Variants in IQCM observed in about 807,000 individuals in gnomAD.
The protein encoded by IQCM is IQ motif containing M, also known as IQ domain-containing protein M.
IQCM carries 45 observed loss-of-function variants against 57.6 expected under a neutral mutation model. That is an observed-to-expected ratio of 0.78 (90% CI 0.62 to 1.00). The LOEUF is 1.00. IQCM is among the 50% of genes least tolerant of loss of function. The pLI is 0.00. For missense variants in IQCM, 468 were observed against 511.6 expected, an observed-to-expected ratio of 0.91 and a Z score of 0.82; for synonymous variants, 148 against 158.9, an observed-to-expected ratio of 0.93 and a Z score of 0.51.
chr4:149,518,960 C>A (rs1229206248), intron 12 of IQCM, among the ~76,000 whole-genome samples: 1 of 152,126 alleles, frequency 6.6e-6, no homozygotes, highest in African/African-American at 2.4e-5. Flanking sequence ...TCCTTGCCCA[C>A]CAAATCAATC....
rs544928636 is a variant in IQCM, at chr4:149,500,703, A to T, written c.1228+47752T>A. Among the ~76,000 whole-genome samples the T allele has an allele frequency of 1.2e-4, 19 of 152,318 alleles. No individual in the cohort carries two copies. The South Asian group carries it at 3.7e-3, about 30-fold the overall frequency. On this transcript the variant is annotated intron_variant, in intron 12 of 13. Transcript: ENST00000636793. ...TTAAGCAGATGGCTTGTATATATTTAGGAAGAAAAGAGTGGAAATCAAAGC... is the reference window on the plus strand; with the variant it reads ...TTAAGCAGATGGCTTGTATATATTTTGGAAGAAAAGAGTGGAAATCAAAGC...
At chr4:149,409,096 G>A (rs934122501) in intron 13 of IQCM, among the ~76,000 whole-genome samples, 1 of 152,182 alleles carries the variant, frequency 6.6e-6, no homozygotes, top group Admixed American at 6.5e-5. Flanking sequence ...TGGAAAATAA[G>A]GATGGGCTCC....
At chr4:149,501,935 T>C (rs1026212891) in intron 12 of IQCM, among the ~76,000 whole-genome samples, 5 of 152,152 alleles carry the variant, frequency 3.3e-5, no homozygotes, top group Admixed American at 2.6e-4. Context: ...ATCAGTTTCA[T>C]TAAGAAGAAA....
At chr4:149,730,516 C>T (rs1393303734) in intron 5 of IQCM, among the ~76,000 whole-genome samples, 1 of 152,222 alleles carries the variant, frequency 6.6e-6, no homozygotes, top group East Asian at 1.9e-4. Flanking sequence ...CCCCAATCCT[C>T]ATGTTCTAGT....
At chr4:149,765,146 T>C (rs2149973811) in intron 2 of IQCM, among the ~76,000 whole-genome samples, 1 of 152,230 alleles carries the variant, frequency 6.6e-6, no homozygotes, top group Non-Finnish European at 1.5e-5. Flanking sequence ...ATGTGACACA[T>C]TTAGCTACAC....
intron 2 of IQCM, among the ~76,000 whole-genome samples, chr4:149,786,066 A>C (rs1232543349): frequency 6.6e-6 from 1 of 152,236 alleles, no homozygotes; most frequent in East Asian, 1.9e-4. Context: ...GCCAAGATGA[A>C]ATAAGGGCTA....
chr4:149,468,847 G>T (rs1739172249), intron 12 of IQCM, among the ~76,000 whole-genome samples: 2 of 152,192 alleles, frequency 1.3e-5, no homozygotes, highest in South Asian at 4.1e-4. Context: ...CTCTGCTGGT[G>T]ATACCCAGGC....
At chr4:149,436,655 G>T (rs1303598294) in intron 12 of IQCM, among the ~76,000 whole-genome samples, 7 of 151,998 alleles carry the variant, frequency 4.6e-5, no homozygotes, top group African/African-American at 1.7e-4. Context: ...GTCATCCCAA[G>T]ATAAAAGCAG....
chr4:149,393,187 G>A lies in IQCM; in HGVS notation c.1390+40209C>T, dbSNP rs564079235. 2.0e-4 allele frequency among the ~76,000 whole-genome samples: 30 copies of A among 151,784 alleles called. 1 individual carries two copies. Among genetic ancestry groups the A allele is most frequent in the African/African-American group, 5.3e-4 (22 of 41,430 alleles). ...AACCCTGCCTCCAAAAAATATATAC[G>A]CATATATAAATAAATAATAAAATAC... On this transcript the variant is annotated intron_variant, in intron 13 of 13. Transcript: ENST00000636793.
intron 7 of IQCM, among the ~76,000 whole-genome samples, chr4:149,660,442 G>T (rs989159038): frequency 7.9e-5 from 12 of 151,524 alleles, no homozygotes; most frequent in Non-Finnish European, 1.0e-4. Context: ...CAGGGATCTA[G>T]AACTAGAAAT....
chr4:149,554,563 C>T (rs1749354963), intron 10 of IQCM, among the ~76,000 whole-genome samples: 1 of 151,958 alleles, frequency 6.6e-6, no homozygotes, highest in Non-Finnish European at 1.5e-5. Flanking sequence ...ATCTGCCCAC[C>T]TCGGCCTCCC....
chr4:149,368,268 C>A (rs1729979838), intron 13 of IQCM, among the ~76,000 whole-genome samples: 1 of 151,650 alleles, frequency 6.6e-6, no homozygotes, highest in Non-Finnish European at 1.5e-5. Context: ...TCAATTACTT[C>A]TTTTAGTATT....
intron 13 of IQCM, among the ~76,000 whole-genome samples, chr4:149,399,783 A>AT (rs918889291): frequency 2.6e-5 from 4 of 152,028 alleles, no homozygotes; most frequent in African/African-American, 9.7e-5. Context: ...ATAATAGCTT[A>AT]TTTTACCTCA....
intron 5 of IQCM, among the ~76,000 whole-genome samples, chr4:149,713,077 C>G (rs1340491348): frequency 6.6e-6 from 1 of 151,562 alleles, no homozygotes; most frequent in East Asian, 1.9e-4. Context: ...TGAAGTCCTA[C>G]TAAAACAAAA....
At chr4:149,716,839 C>G (rs1300138789) in intron 5 of IQCM, among the ~76,000 whole-genome samples, 7 of 152,130 alleles carry the variant, frequency 4.6e-5, no homozygotes, top group Non-Finnish European at 8.8e-5. Context: ...CCTTTAGGTT[C>G]TTTGGAAAGG....
intron 13 of IQCM, among the ~76,000 whole-genome samples, chr4:149,389,667 A>G (rs1181110813): frequency 2.9e-5 from 4 of 139,660 alleles, no homozygotes; most frequent in African/African-American, 1.1e-4. Context: ...ATGAGAACAC[A>G]TGGACACGGG....
At chr4:149,477,364 A>G (rs1417123890) in intron 12 of IQCM, among the ~76,000 whole-genome samples, 1 of 152,120 alleles carries the variant, frequency 6.6e-6, no homozygotes, top group African/African-American at 2.4e-5. Flanking sequence ...CTTGTAAACA[A>G]CAGCTGATAT....
chr4:149,539,411 T>C (rs548348799), intron 12 of IQCM, among the ~76,000 whole-genome samples: 353 of 152,254 alleles, frequency 2.3e-3, no homozygotes, highest in African/African-American at 8.1e-3. Flanking sequence ...TAGCTGCAAA[T>C]GGGCACAAAA....
At chr4:149,613,959 C>T (rs1286554963) in intron 8 of IQCM, among the ~76,000 whole-genome samples, 1 of 152,094 alleles carries the variant, frequency 6.6e-6, no homozygotes, top group African/African-American at 2.4e-5. Context: ...TTTCTTAATC[C>T]AGCCTATCAT....
Sources: gnomAD v4.1 joint callset for allele counts (sites outside exome capture counted in the v4.1 genomes callset) on GRCh38, gnomAD v4.1.1 for gene constraint, MANE v1.5 for transcripts, NCBI Gene and HGNC (gene_info 2026-07-23, HGNC 2026-07-21) for gene names.